Variants in INSL6 observed in about 807,000 individuals in gnomAD.
INSL6 encodes insulin like 6, also known as insulin-like peptide INSL6.
A neutral mutation model predicts 9.4 loss-of-function variants in INSL6; 16 were observed. The observed-to-expected ratio is 1.70, with a 90% CI of 1.15 to 2.59. The LOEUF (loss-of-function observed/expected upper bound fraction) is 2.59, where lower values mean the gene tolerates loss of function less well. Among genes scored for constraint, INSL6 ranks in the 30% most tolerant of loss-of-function variants. The probability of loss-of-function intolerance (pLI) is 0.00; values close to 1 mark genes in which losing one functional copy is unlikely to be tolerated. For synonymous variants in INSL6, 154 were observed against 96.9 expected (o/e 1.59, Z -3.46); for missense variants, 391 against 257.3 (o/e 1.52, Z -3.56).
chr9:5,012,636 A>G, the INSL6 span, among the ~76,000 whole-genome samples: 1 of 152,232 alleles, frequency 6.6e-6, no homozygotes, highest in Non-Finnish European at 1.5e-5. Flanking sequence ...TGAGCATAGC[A>G]TTAATAAATT....
At chr9:5,124,199 A>G (rs1378478053) in exon 4 of INSL6, among the ~76,000 whole-genome samples, 1 of 151,760 alleles carries the variant, frequency 6.6e-6, no homozygotes, top group Admixed American at 6.6e-5. Context: ...GCTATGCTGA[A>G]ATTTTTTAGC....
chr9:5,126,668 A>G (rs780698631), intron 3 of INSL6: 4 of 1,573,010 alleles, frequency 2.5e-6, no homozygotes, highest in East Asian at 2.2e-5. Flanking sequence ...ATTTTGGTTT[A>G]TTTTCTCCTT....
chr9:5,162,610 C>T (rs781144954), downstream of INSL6, among the ~76,000 whole-genome samples: 3 of 152,168 alleles, frequency 2.0e-5, no homozygotes, highest in African/African-American at 7.2e-5. Flanking sequence ...CCTACTCTAC[C>T]ACTGAACCGT....
At chr9:5,173,368 A>C (rs1825225392) in intron 1 of INSL6, among the ~76,000 whole-genome samples, 1 of 152,222 alleles carries the variant, frequency 6.6e-6, no homozygotes, top group Non-Finnish European at 1.5e-5. Context: ...CCAAATGCCC[A>C]TCAATAAGAG....
the INSL6 span, among the ~76,000 whole-genome samples, chr9:5,053,400 A>G: frequency 1.3e-5 from 2 of 151,930 alleles, no homozygotes; most frequent in South Asian, 2.1e-4. Flanking sequence ...CATATTTATG[A>G]TTTGCCATTA....
the INSL6 span, among the ~76,000 whole-genome samples, chr9:5,048,585 G>C: frequency 2.6e-5 from 4 of 152,138 alleles, no homozygotes; most frequent in African/African-American, 9.7e-5. Flanking sequence ...GCAAAAATCT[G>C]TCTCCTACCC....
chr9:5,135,344 A>T (rs1824370829), intron 2 of INSL6, among the ~76,000 whole-genome samples: 1 of 151,328 alleles, frequency 6.6e-6, no homozygotes, highest in East Asian at 1.9e-4. Context: ...CCTAACAGAC[A>T]TCTACAGAAC....
the INSL6 span, chr9:5,041,329 G>C: frequency 1.4e-6 from 1 of 709,942 alleles, no homozygotes. Context: ...GCCAGCACAA[G>C]AGCTTGACAG....
At chr9:5,068,314 T>A in the INSL6 span, among the ~76,000 whole-genome samples, 11 of 152,192 alleles carry the variant, frequency 7.2e-5, no homozygotes, top group African/African-American at 2.4e-5. Flanking sequence ...GTGAACAAGT[T>A]CATAATATAG....
chr9:5,139,769 T>G (rs998007632), intron 2 of INSL6, among the ~76,000 whole-genome samples: 20 of 152,208 alleles, frequency 1.3e-4, no homozygotes, highest in African/African-American at 4.8e-4. Context: ...GCTCTTCTGA[T>G]TCTGATTAGT....
chr9:5,109,552 T>G, the INSL6 span: 1 of 152,164 alleles, frequency 6.6e-6, no homozygotes, highest in Non-Finnish European at 1.5e-5. Context: ...CACCAATTAT[T>G]ACGTTAGTCA....
the INSL6 span, chr9:5,041,849 C>T: frequency 8.5e-6 from 4 of 469,270 alleles, no homozygotes; most frequent in African/African-American, 2.0e-5. Flanking sequence ...GGGAGCTGAA[C>T]GCGGACGACC....
At chr9:5,134,210 T>C (rs992375943) in intron 2 of INSL6, among the ~76,000 whole-genome samples, 9 of 151,880 alleles carry the variant, frequency 5.9e-5, no homozygotes, top group Non-Finnish European at 1.3e-4. Context: ...AGACCAAATC[T>C]ACGTTTGGTG....
the INSL6 span, chr9:5,111,120 C>A: frequency 8.3e-7 from 1 of 1,201,040 alleles, no homozygotes; most frequent in Non-Finnish European, 1.2e-6. Context: ...CCTCCTTTGA[C>A]CCCAGCTGGA....
At chr9:5,142,224 T>C (rs1044107747) in intron 2 of INSL6, among the ~76,000 whole-genome samples, 20 of 152,120 alleles carry the variant, frequency 1.3e-4, no homozygotes, top group African/African-American at 4.6e-4. Flanking sequence ...ATGTGAATTG[T>C]AAAAGTTTTT....
At chr9:5,150,176 C>T (rs1470679002) in intron 2 of INSL6, among the ~76,000 whole-genome samples, 1 of 152,148 alleles carries the variant, frequency 6.6e-6, no homozygotes, top group African/African-American at 2.4e-5. Context: ...CTTTTCTGGA[C>T]ATAGGTTTAA....
Position 5,185,488 on chromosome 9 carries a change from T to C in INSL6, c.115A>G (p.Lys39Glu). Reference sequence around the variant, plus strand: ...TGGCCGCAGAGTTTTTCTATTTCTTTCACCAAGTACCTGCCGCACAGCTTC... The same window carrying C: ...TGGCCGCAGAGTTTTTCTATTTCTTCCACCAAGTACCTGCCGCACAGCTTC... ...ARKLCGRYLV[K>E]EIEKLCGHAN... Residue 39 changes from lysine to glutamate, a missense_variant, in exon 1 of 2, where the codon AAA becomes GAA. Coordinates refer to ENST00000381641, the MANE Select transcript of INSL6 (RefSeq NM_007179.3). 2 of 1,614,182 alleles carry C rather than the reference T, an allele frequency of 1.2e-6. No homozygotes were observed. The highest frequency in any genetic ancestry group is 1.7e-6 in the Non-Finnish European group (2 of 1,180,040).
intron 2 of INSL6, among the ~76,000 whole-genome samples, chr9:5,154,353 C>A (rs994513388): frequency 2.0e-5 from 3 of 152,098 alleles, no homozygotes; most frequent in African/African-American, 7.2e-5. Context: ...AATGTTAGAC[C>A]TAAAACCATA....
At chr9:5,027,946 A>T in the INSL6 span, among the ~76,000 whole-genome samples, 1 of 152,200 alleles carries the variant, frequency 6.6e-6, no homozygotes, top group African/African-American at 2.4e-5. Context: ...TCCCTCAAAG[A>T]TACCCATGAG....
Sources: allele counts gnomAD v4.1 joint callset (sites outside exome capture counted in the v4.1 genomes callset), GRCh38; gene constraint gnomAD v4.1.1; transcripts MANE v1.5; gene names NCBI Gene and HGNC (gene_info 2026-07-23, HGNC 2026-07-21).